Variants in ARHGAP10 observed in about 807,000 individuals in gnomAD.
ARHGAP10 encodes the protein Rho GTPase activating protein 10, also known as rho GTPase-activating protein 10.
Under a neutral mutation model 108.6 loss-of-function variants are expected in ARHGAP10, and 87 were observed. The ratio of observed to expected loss-of-function variants is 0.80; its 90% CI spans 0.67 to 0.96. ARHGAP10 has a LOEUF of 0.96. Ranked by LOEUF, ARHGAP10 falls within the 40% of genes least tolerant of loss-of-function variation. The probability of loss-of-function intolerance (pLI) is 0.00; values close to 1 mark genes in which losing one functional copy is unlikely to be tolerated. For missense variants in ARHGAP10, 939 were observed against 954.5 expected, an observed-to-expected ratio of 0.98 and a Z score of 0.21; for synonymous variants, 347 against 341.1, an observed-to-expected ratio of 1.02 and a Z score of -0.19.
chr4:147,859,962 A>G (rs1269287694), intron 5 of ARHGAP10, among the ~76,000 whole-genome samples: 3 of 152,190 alleles, frequency 2.0e-5, no homozygotes, highest in African/African-American at 7.2e-5. Flanking sequence ...AGCCCTTAAT[A>G]GGGGGGATGC....
chr4:147,897,301 C>A (rs922565520), intron 10 of ARHGAP10, among the ~76,000 whole-genome samples: 1 of 151,496 alleles, frequency 6.6e-6, no homozygotes, highest in Non-Finnish European at 1.5e-5. Context: ...TGGGGTTTTG[C>A]TATGTTGCCC....
At chr4:147,906,585 A>C in intron 10 of ARHGAP10, 53 bp from the exon 11 acceptor site, 1 of 1,581,588 alleles carries the variant, frequency 6.3e-7, no homozygotes. Flanking sequence ...CTTAGGAAAA[A>C]CTTGCCTTTT....
At chr4:147,735,152 T>C (rs1728367563) in intron 1 of ARHGAP10, among the ~76,000 whole-genome samples, 1 of 152,166 alleles carries the variant, frequency 6.6e-6, no homozygotes, top group Admixed American at 6.5e-5. Context: ...GCACCTATAA[T>C]TTGCTAAATA....
intron 22 of ARHGAP10, among the ~76,000 whole-genome samples, chr4:148,066,351 A>G (rs1729874983): frequency 6.6e-6 from 1 of 152,236 alleles, no homozygotes; most frequent in Non-Finnish European, 1.5e-5. Flanking sequence ...GATTTAGACC[A>G]ATGAGAATCA....
chr4:147,817,975 G>C (rs1231667815), intron 1 of ARHGAP10, among the ~76,000 whole-genome samples: 1 of 152,146 alleles, frequency 6.6e-6, no homozygotes, highest in Non-Finnish European at 1.5e-5. Flanking sequence ...CTGGGCAAAA[G>C]GACCTGGGAA....
chr4:147,760,170 T>C (rs964548563), intron 1 of ARHGAP10, among the ~76,000 whole-genome samples: 1 of 152,216 alleles, frequency 6.6e-6, no homozygotes, highest in Admixed American at 6.5e-5. Flanking sequence ...AGGCTGTCAC[T>C]CTTCCATTTT....
intron 9 of ARHGAP10, 73 bp downstream of exon 9, chr4:147,879,411 TTTATA>T: frequency 7.7e-7 from 1 of 1,299,502 alleles, no homozygotes. Flanking sequence ...ATTTTAATGG[TTTATA>T]TTTTAATGGT....
At chr4:147,788,010 C>T (rs1007666219) in intron 1 of ARHGAP10, among the ~76,000 whole-genome samples, 16 of 152,148 alleles carry the variant, frequency 1.1e-4, no homozygotes, top group African/African-American at 3.4e-4. Context: ...GAGAAAACTT[C>T]GTGAGAATTT....
At chr4:147,766,829 TATA>T (rs1560747011) in intron 1 of ARHGAP10, among the ~76,000 whole-genome samples, 76 of 113,366 alleles carry the variant, frequency 6.7e-4, no homozygotes, top group African/African-American at 2.6e-3. Flanking sequence ...TATATATATA[TATA>T]TATATATTTA....
chr4:147,766,836 A>ATT (rs1337174185), intron 1 of ARHGAP10, among the ~76,000 whole-genome samples: 146 of 43,472 alleles, frequency 3.4e-3, no homozygotes, highest in African/African-American at 9.3e-3. Context: ...ATATATATAT[A>ATT]TATTTATTTA....
chr4:147,767,060 A>G (rs1421841482), intron 1 of ARHGAP10, among the ~76,000 whole-genome samples: 2 of 151,790 alleles, frequency 1.3e-5, no homozygotes, highest in African/African-American at 4.8e-5. Context: ...CATGTTGGCC[A>G]GGCTGATCTC....
At chr4:147,943,958 A>G (rs2126967105) in intron 14 of ARHGAP10, among the ~76,000 whole-genome samples, 1 of 152,316 alleles carries the variant, frequency 6.6e-6, no homozygotes, top group East Asian at 1.9e-4. Context: ...TTATTTTTCC[A>G]TAGACAGAAT....
In ARHGAP10 at chr4:147,832,361, A is replaced by C. The variant is rs114768513; in HGVS notation, c.312+9404A>C. On this transcript the variant is annotated intron_variant, in intron 3 of 22. Transcript: ENST00000336498. ...ACTTAATTTTTTTTTTTTTTTAAAA[A>C]GAGGAGTCCAGGCACGGTAGCTCAC... Among the ~76,000 whole-genome samples, 1,401 of 151,450 alleles carry C rather than the reference A, an allele frequency of 9.3e-3. 18 individuals are homozygous for C. The highest frequency in any genetic ancestry group is 0.031 in the African/African-American group (1,277 of 41,314).
At chr4:147,814,698 A>G (rs957625463) in intron 1 of ARHGAP10, among the ~76,000 whole-genome samples, 4 of 152,202 alleles carry the variant, frequency 2.6e-5, no homozygotes, top group African/African-American at 9.6e-5. Flanking sequence ...CGTAACTTCC[A>G]TGATCTTTAA....
chr4:147,797,673 A>T (rs10857227), intron 1 of ARHGAP10, among the ~76,000 whole-genome samples: 114,072 of 152,114 alleles, frequency 0.75, 48,246 homozygotes, highest in Non-Finnish European at 0.93. Flanking sequence ...AGCCTCCCAG[A>T]GTGCTGGGAT....
At chr4:147,913,721 G>T (rs181654789) in intron 13 of ARHGAP10, among the ~76,000 whole-genome samples, 6 of 152,234 alleles carry the variant, frequency 3.9e-5, no homozygotes, top group Admixed American at 3.9e-4. Context: ...TTCTACATAA[G>T]AATTTTAGGG....
intron 1 of ARHGAP10, among the ~76,000 whole-genome samples, chr4:147,794,550 C>T (rs1373903160): frequency 6.6e-6 from 1 of 152,168 alleles, no homozygotes. Flanking sequence ...AGTGTCAGGG[C>T]TTCAAAGCCC....
chr4:147,897,821 G>A (rs1030880110), intron 10 of ARHGAP10, among the ~76,000 whole-genome samples: 8 of 151,992 alleles, frequency 5.3e-5, no homozygotes, highest in Non-Finnish European at 8.8e-5. Context: ...TTACATACAG[G>A]TATATGCATA....
chr4:147,804,732 A>T (rs1202818514), intron 1 of ARHGAP10, among the ~76,000 whole-genome samples: 1 of 152,174 alleles, frequency 6.6e-6, no homozygotes, highest in Admixed American at 6.5e-5. Flanking sequence ...TTTTCTAATT[A>T]TGAGTGGTGC....
Sources: gnomAD v4.1 joint callset for allele counts (sites outside exome capture counted in the v4.1 genomes callset) on GRCh38, gnomAD v4.1.1 for gene constraint, MANE v1.5 for transcripts, NCBI Gene and HGNC (gene_info 2026-07-23, HGNC 2026-07-21) for gene names.